Variants in SPAST observed in about 807,000 individuals in gnomAD.
SPAST encodes the protein spastin.
In SPAST, 30 loss-of-function variants were observed where a neutral mutation model predicts 76.6. The observed-to-expected ratio is 0.39, with a 90% confidence interval of 0.29 to 0.53. SPAST has a LOEUF of 0.53. Among genes scored for constraint, SPAST ranks in the 20% least tolerant of loss-of-function variants. The pLI, the probability that SPAST is intolerant of heterozygous loss-of-function variation, is 0.68. For missense variants in SPAST, 717 were observed against 770.5 expected, an observed-to-expected ratio of 0.93 and a Z score of 0.82; for synonymous variants, 305 against 281.0, an observed-to-expected ratio of 1.09 and a Z score of -0.86.
At position 32,103,717 on chromosome 2, in the gene SPAST, C is replaced by G. The variant is rs148960364; in HGVS notation, c.682+4826C>G. Among the ~76,000 whole-genome samples the G allele has an allele frequency of 5.3e-5, 8 of 152,066 alleles. No homozygotes were observed. The East Asian group carries it at 1.4e-3, about 26-fold the overall frequency. ...ACATCTTTATTTCTGCCTTCATTTT[C>G]TTATATACCCAGTAGTCATTCAGGA... On this transcript the variant is annotated intron_variant, in intron 4 of 16. Coordinates refer to ENST00000315285, the MANE Select transcript of SPAST (RefSeq NM_014946.4).
intron 7 of SPAST, among the ~76,000 whole-genome samples, chr2:32,122,668 G>A (rs573307428): frequency 6.6e-6 from 1 of 152,098 alleles, no homozygotes; most frequent in East Asian, 2.0e-4. Flanking sequence ...GGATAGGCAT[G>A]GTGGCTCCCA....
At chr2:32,095,991 T>C (rs1345027828) in intron 3 of SPAST, among the ~76,000 whole-genome samples, 1 of 152,132 alleles carries the variant, frequency 6.6e-6, no homozygotes, top group Non-Finnish European at 1.5e-5. Flanking sequence ...GAGTGTTATA[T>C]GGTAAGGTTT....
At chr2:32,128,225 C>T in intron 8 of SPAST, 183 bp from the exon 9 acceptor site, 3 of 547,820 alleles carry the variant, frequency 5.5e-6, no homozygotes, top group East Asian at 3.3e-5. Context: ...AAACTCTTGG[C>T]CTCAAGTGAT....
intron 1 of SPAST, among the ~76,000 whole-genome samples, chr2:32,082,365 A>G (rs1001824416): frequency 6.6e-5 from 10 of 152,048 alleles, no homozygotes; most frequent in African/African-American, 2.4e-4. Context: ...CCAAATGGAT[A>G]TTCTTATACA....
chr2:32,091,226 T>C (rs903865920), intron 3 of SPAST, among the ~76,000 whole-genome samples: 2 of 147,496 alleles, frequency 1.4e-5, no homozygotes, highest in Non-Finnish European at 3.0e-5. Flanking sequence ...GTCTTTTTTA[T>C]CTAATTTGTA....
chr2:32,088,470 C>T (rs866319726), intron 2 of SPAST, among the ~76,000 whole-genome samples: 3 of 152,130 alleles, frequency 2.0e-5, no homozygotes, highest in Middle Eastern at 3.2e-3. Flanking sequence ...CATGGAGAAA[C>T]CCTGTCTCTA....
intron 1 of SPAST, 37 bp downstream of exon 1, chr2:32,064,283 G>A: frequency 7.5e-7 from 1 of 1,329,616 alleles, no homozygotes; most frequent in Non-Finnish European, 1.0e-6. Flanking sequence ...GGCGGCGCCG[G>A]GAAGAAGGCG....
At chr2:32,087,976 C>T (rs1327459940) in intron 2 of SPAST, among the ~76,000 whole-genome samples, 8 of 151,856 alleles carry the variant, frequency 5.3e-5, no homozygotes, top group African/African-American at 1.2e-4. Flanking sequence ...CTCCGCCTCC[C>T]GGATTCAGGC....
intron 7 of SPAST, among the ~76,000 whole-genome samples, chr2:32,122,505 A>G (rs910432113): frequency 6.6e-6 from 1 of 152,048 alleles, no homozygotes; most frequent in Non-Finnish European, 1.5e-5. Context: ...TATTTTTAGT[A>G]GAGACGGGGT....
chr2:32,116,554 G>A (rs767775298), intron 7 of SPAST, among the ~76,000 whole-genome samples: 8 of 151,954 alleles, frequency 5.3e-5, no homozygotes, highest in African/African-American at 1.4e-4. Flanking sequence ...CAACCTCTGC[G>A]TCCCAGAATT....
chr2:32,112,264 T>C (rs751546087), intron 4 of SPAST, among the ~76,000 whole-genome samples: 1 of 151,968 alleles, frequency 6.6e-6, no homozygotes, highest in Non-Finnish European at 1.5e-5. Flanking sequence ...TAAGTTATTA[T>C]TGACTATTGA....
chr2:32,089,012 A>G (rs966081493), intron 2 of SPAST, among the ~76,000 whole-genome samples: 4 of 152,080 alleles, frequency 2.6e-5, no homozygotes, highest in African/African-American at 9.7e-5. Flanking sequence ...ATGAAATACC[A>G]CAGTAGGTTG....
chr2:32,141,303 T>G (rs1679712771), intron 12 of SPAST, among the ~76,000 whole-genome samples: 1 of 152,228 alleles, frequency 6.6e-6, no homozygotes, highest in South Asian at 2.1e-4. Context: ...TCACCTTCCT[T>G]GCCATTCCTA....
chr2:32,128,761 T>C (rs543839835), intron 9 of SPAST: 1 of 415,220 alleles, frequency 2.4e-6, no homozygotes, highest in South Asian at 2.3e-5. Context: ...GGTAGAAGTC[T>C]AAGATCAGTC....
intron 4 of SPAST, among the ~76,000 whole-genome samples, chr2:32,108,992 C>T (rs1461255413): frequency 6.6e-6 from 1 of 151,928 alleles, no homozygotes; most frequent in African/African-American, 2.4e-5. Flanking sequence ...TCTCGATCTC[C>T]TGACCTCGAT....
Position 32,083,655 on chromosome 2 carries a change from C to CTA in SPAST, c.416-3817_416-3816dup, listed in dbSNP as rs61231740. Among the ~76,000 whole-genome samples the CTA allele has an allele frequency of 1.8e-3, 218 of 124,242 alleles. 1 individual carries two copies. Among genetic ancestry groups the CTA allele is most frequent in the African/African-American group, 4.8e-3 (160 of 33,032 alleles). The allele number at this position is 124,242 out of a possible 152,430, so 81.5% of individuals were successfully genotyped here. On this transcript the variant is annotated intron_variant, in intron 1 of 16. Transcript: ENST00000315285. ...CAATACTTATATTTGACTCTGCCTA[C>CTA]TATATATATATATATATATATTTTT...
At chr2:32,083,730 A>AT in intron 1 of SPAST, among the ~76,000 whole-genome samples, 1 of 81,120 alleles carries the variant, frequency 1.2e-5, no homozygotes, top group Non-Finnish European at 2.4e-5. Flanking sequence ...ATTTATATAT[A>AT]CTATATATAT....
At chr2:32,128,852 C>T in intron 9 of SPAST, 1 of 281,398 alleles carries the variant, frequency 3.6e-6, no homozygotes, top group Non-Finnish European at 6.9e-6. Flanking sequence ...CTTCTGGTGG[C>T]TTGCTGGCAA....
intron 1 of SPAST, among the ~76,000 whole-genome samples, chr2:32,083,336 A>T (rs974374008): frequency 2.0e-5 from 3 of 152,050 alleles, no homozygotes; most frequent in Non-Finnish European, 4.4e-5. Context: ...TTGGGTAAAT[A>T]TGTAGAAGAA....
Sources: allele counts gnomAD v4.1 joint callset (sites outside exome capture counted in the v4.1 genomes callset), GRCh38; gene constraint gnomAD v4.1.1; transcripts MANE v1.5; gene names NCBI Gene and HGNC (gene_info 2026-07-23, HGNC 2026-07-21).